Variants in ELL observed in about 807,000 individuals in gnomAD.
ELL encodes the protein RNA polymerase II elongation factor ELL.
In ELL, 18 loss-of-function variants were observed where a neutral mutation model predicts 64.0. That is an observed-to-expected ratio of 0.28 (90% CI 0.19 to 0.42). The LOEUF is 0.42. Among genes scored for constraint, ELL ranks in the 10% least tolerant of loss-of-function variants. The pLI, the probability that ELL is intolerant of heterozygous loss-of-function variation, is 1.00. For missense variants in ELL, 797 were observed against 870.4 expected (o/e 0.92, Z 1.06); for synonymous variants, 399 against 376.2 (o/e 1.06, Z -0.70).
intron 1 of ELL, among the ~76,000 whole-genome samples, chr19:18,521,052 A>G (rs1180389315): frequency 2.6e-5 from 4 of 151,972 alleles, no homozygotes; most frequent in Non-Finnish European, 5.9e-5. Context: ...CAGGTGGCAG[A>G]ACCGAAACGC....
At position 18,450,677 on chromosome 19, in the gene ELL, G is replaced by T. The variant is rs570976399; in HGVS notation, c.1265C>A (p.Thr422Asn). 2.2e-5 allele frequency: 35 copies of T among 1,585,122 alleles called. No homozygotes were observed. Among genetic ancestry groups the T allele is most frequent in the Non-Finnish European group, 3.0e-5 (35 of 1,166,510 alleles). Residue 422 changes from threonine (T) to asparagine (N), a missense_variant, in exon 8 of 12, where the codon ACT becomes AAT. By Grantham distance (65) the Thr-to-Asn change is moderately conservative. Coordinates refer to ENST00000262809, the MANE Select transcript of ELL (RefSeq NM_006532.4). ...CAGCAGGGGCAGGCCGAGGCGCACA[G>T]TGGGGGCTGGGGCAGCCGCCTCTCC... The part of the protein sequence containing the change: ...EHGEAAAPAP[T>N]VRLGLPLLTD...
chr19:18,486,499 C>T (rs897292898), intron 1 of ELL, among the ~76,000 whole-genome samples: 2 of 152,150 alleles, frequency 1.3e-5, no homozygotes, highest in East Asian at 1.9e-4. Context: ...GTCCTTCCTC[C>T]TCCGGTGGTC....
chr19:18,481,431 C>T (rs1975298168), intron 1 of ELL, among the ~76,000 whole-genome samples: 1 of 152,264 alleles, frequency 6.6e-6, no homozygotes, highest in African/African-American at 2.4e-5. Context: ...TGGCTTGTGG[C>T]TGCATCACCC....
At chr19:18,454,407 G>A (rs1195274789) in intron 6 of ELL, among the ~76,000 whole-genome samples, 2 of 152,184 alleles carry the variant, frequency 1.3e-5, no homozygotes, top group Non-Finnish European at 2.9e-5. Context: ...GCTGAGGCAG[G>A]AGAATGGTGT....
intron 2 of ELL, among the ~76,000 whole-genome samples, chr19:18,468,277 CCACA>C (rs1568384000): frequency 6.6e-6 from 1 of 152,088 alleles, no homozygotes; most frequent in East Asian, 1.9e-4. Flanking sequence ...ACACAACCTC[CCACA>C]CACAAACAAC....
chr19:18,467,137 C>T (rs994211835), intron 2 of ELL, among the ~76,000 whole-genome samples: 1 of 152,188 alleles, frequency 6.6e-6, no homozygotes. Flanking sequence ...CAGTGCCAGT[C>T]CCTGCTCCCA....
intron 2 of ELL, among the ~76,000 whole-genome samples, chr19:18,468,023 A>C (rs1425731794): frequency 7.3e-6 from 1 of 137,802 alleles, no homozygotes; most frequent in African/African-American, 2.7e-5. Flanking sequence ...CACACACACA[A>C]CCCACACATG....
At chr19:18,469,840 T>C (rs1032199952) in intron 2 of ELL, among the ~76,000 whole-genome samples, 9 of 152,138 alleles carry the variant, frequency 5.9e-5, no homozygotes, top group African/African-American at 1.2e-4. Context: ...CCATCCCAAA[T>C]TGGGGCCTGC....
intron 1 of ELL, among the ~76,000 whole-genome samples, chr19:18,509,029 ACCCTGTGAGT>A (rs1178934303): frequency 1.3e-5 from 2 of 152,066 alleles, no homozygotes; most frequent in African/African-American, 4.8e-5. Context: ...ACAAAAAGAG[ACCCTGTGAGT>A]CACCTCTACC....
chr19:18,444,781 C>T lies in ELL; in HGVS notation c.1837G>A (p.Asp613Asn). 1 of 1,608,252 alleles carries T rather than the reference C, an allele frequency of 6.2e-7. No individual in the cohort carries two copies. The highest frequency in any genetic ancestry group is 8.5e-7 in the Non-Finnish European group (1 of 1,179,498). Reference protein sequence around the residue: ...AHIKRLIAEYDQRQLQAWP With the variant: ...AHIKRLIAEYNQRQLQAWP ...GGCCAAGCCTGCAGCTGCCGCTGGT[C>T]GTACTCGGCGATGAGCCTCTTGATG... Residue 613 changes from aspartate to asparagine, a missense_variant, in exon 12 of 12, where the codon GAC (aspartate) becomes AAC (asparagine). Physicochemically the swap from Asp to Asn is conservative, Grantham distance 23. Coordinates refer to ENST00000262809, the MANE Select transcript of ELL (RefSeq NM_006532.4).
chr19:18,444,940 G>A (rs1023473423), intron 11 of ELL, 72 bp from the exon 12 acceptor site: 2 of 1,503,638 alleles, frequency 1.3e-6, no homozygotes, highest in Non-Finnish European at 9.0e-7. Context: ...GCAGGCCAGT[G>A]TCCCCCCCAA....
In ELL at chr19:18,521,916, C is replaced by T; in HGVS notation, c.135+5G>A. 6.3e-7 allele frequency: 1 copy of T among 1,586,528 alleles called. No homozygotes were observed. Among genetic ancestry groups the T allele is most frequent in the Non-Finnish European group, 8.6e-7 (1 of 1,166,748 alleles). On this transcript the variant is annotated splice_donor_5th_base_variant and intron_variant, in intron 1 of 11. Coordinates refer to ENST00000262809, the MANE Select transcript of ELL (RefSeq NM_006532.4). Reference sequence around the variant, plus strand: ...CACTGGCGCGCCGGGCGCCATGCCACTCACCTGTCTGGCGCGGTAGCTCTC... The same window carrying T: ...CACTGGCGCGCCGGGCGCCATGCCATTCACCTGTCTGGCGCGGTAGCTCTC...
At position 18,482,794 on chromosome 19, in the gene ELL, T is replaced by TTGTTGTTGTTGTTGTTGCTGC. The variant is rs139501319; in HGVS notation, c.136-9913_136-9912insGCAGCAACAACAACAACAACA. 2.5e-3 allele frequency among the ~76,000 whole-genome samples: 371 copies of TTGTTGTTGTTGTTGTTGCTGC among 150,166 alleles called. 1 individual carries two copies. The highest frequency in any genetic ancestry group is 0.01 in the Middle Eastern group (3 of 294). ...GTTGTTGTTGTTGTTGTTGTTGTTG[T>TTGTTGTTGTTGTTGTTGCTGC]TGCTGCTGTTGTTTTGAGACAGGGC... On this transcript the variant is annotated intron_variant, in intron 1 of 11. Transcript: ENST00000262809.
At chr19:18,512,989 C>T (rs1430199069) in intron 1 of ELL, among the ~76,000 whole-genome samples, 1 of 152,188 alleles carries the variant, frequency 6.6e-6, no homozygotes, top group Non-Finnish European at 1.5e-5. Context: ...GCTGAGGCCC[C>T]CGATGGGCCT....
Position 18,458,342 on chromosome 19 carries a change from G to T in ELL, c.745-13C>A. Reference sequence around the variant, plus strand: ...TCATGTTGGCCACCTGCAAGACAGAGCCAGCCATCACTTTGTGGGAATCCT... The same window carrying T: ...TCATGTTGGCCACCTGCAAGACAGATCCAGCCATCACTTTGTGGGAATCCT... On this transcript the variant is annotated splice_polypyrimidine_tract_variant and intron_variant, in intron 5 of 11. Coordinates refer to ENST00000262809, the MANE Select transcript of ELL (RefSeq NM_006532.4). 6.2e-7 allele frequency: 1 copy of T among 1,606,212 alleles called. No homozygotes were observed. Among genetic ancestry groups the T allele is most frequent in the Non-Finnish European group, 8.5e-7 (1 of 1,175,240 alleles).
intron 1 of ELL, among the ~76,000 whole-genome samples, chr19:18,484,583 T>C (rs549806341): frequency 2.0e-4 from 31 of 152,330 alleles, no homozygotes; most frequent in African/African-American, 7.2e-4. Context: ...GAGGCTGCAG[T>C]GAGCCATGGT....
chr19:18,461,532 T>A (rs765193964), intron 5 of ELL, 46 bp downstream of exon 5: 1 of 1,557,398 alleles, frequency 6.4e-7, no homozygotes. Flanking sequence ...CACAAGACCA[T>A]CTGCGGAGAC....
chr19:18,483,848 C>G (rs757436509), intron 1 of ELL, among the ~76,000 whole-genome samples: 4 of 152,208 alleles, frequency 2.6e-5, no homozygotes. Context: ...CCCTGCCCAC[C>G]CTGCCTGCAC....
intron 1 of ELL, among the ~76,000 whole-genome samples, chr19:18,477,166 G>A (rs868263061): frequency 2.6e-5 from 4 of 152,172 alleles, no homozygotes; most frequent in African/African-American, 7.2e-5. Context: ...TACGGGTATC[G>A]TGAGAGAGCC....
Sources: allele counts gnomAD v4.1 joint callset (sites outside exome capture counted in the v4.1 genomes callset), GRCh38; gene constraint gnomAD v4.1.1; transcripts MANE v1.5; gene names NCBI Gene and HGNC (gene_info 2026-07-23, HGNC 2026-07-21).